Variants in SDCCAG8 observed in about 807,000 individuals in gnomAD.
SDCCAG8 encodes SHH signaling and ciliogenesis regulator SDCCAG8, also known as serologically defined colon cancer antigen 8.
SDCCAG8 carries 74 observed loss-of-function variants against 101.8 expected under a neutral mutation model. That is an observed-to-expected ratio of 0.73 (90% CI 0.60 to 0.88). SDCCAG8 has a LOEUF of 0.88. Among genes scored for constraint, SDCCAG8 ranks in the 40% least tolerant of loss-of-function variants. The probability of loss-of-function intolerance (pLI) is 0.00; values close to 1 mark genes in which losing one functional copy is unlikely to be tolerated. For missense variants in SDCCAG8, 787 were observed against 822.6 expected (o/e 0.96, Z 0.53); for synonymous variants, 281 against 292.9 (o/e 0.96, Z 0.41).
intron 12 of SDCCAG8, among the ~76,000 whole-genome samples, chr1:243,353,810 A>G (rs1264951348): frequency 1.3e-5 from 2 of 152,136 alleles, no homozygotes; most frequent in Non-Finnish European, 2.9e-5. Flanking sequence ...AAGTCATGGT[A>G]TCGTTTGGGA....
rs576464643 is a variant in SDCCAG8, at chr1:243,365,635, C to G, written c.1474-13086C>G. On this transcript the variant is annotated intron_variant, in intron 12 of 17. Coordinates refer to ENST00000366541, the MANE Select transcript of SDCCAG8 (RefSeq NM_006642.5). ...ATTTTGCCAAAAATTGCCTTTTGTT[C>G]TGGTTAAGAATAAATGGGCCAATTT... Among the ~76,000 whole-genome samples, 3 of 152,026 alleles carry G rather than the reference C, an allele frequency of 2.0e-5. No homozygotes were observed. The South Asian group carries it at 6.2e-4, about 32-fold the overall frequency.
chr1:243,402,062 T>C (rs2079433000), intron 13 of SDCCAG8, among the ~76,000 whole-genome samples: 2 of 152,116 alleles, frequency 1.3e-5, no homozygotes, highest in South Asian at 4.1e-4. Context: ...TGCTGTCCAA[T>C]AGAAATACAG....
At chr1:243,310,015 C>G (rs2072565242) in intron 8 of SDCCAG8, among the ~76,000 whole-genome samples, 1 of 152,088 alleles carries the variant, frequency 6.6e-6, no homozygotes, top group African/African-American at 2.4e-5. Context: ...AGGCGCCCAC[C>G]ACCATGCTTG....
chr1:243,430,716 G>C (rs966455168), intron 16 of SDCCAG8, among the ~76,000 whole-genome samples: 2 of 152,098 alleles, frequency 1.3e-5, no homozygotes, highest in Admixed American at 6.5e-5. Context: ...GGGATTACAG[G>C]CGTGAGCTAC....
rs192471041 is a variant in SDCCAG8 at position 243,327,899 on chromosome 1, T to A, written c.1069-2641T>A. 4.1e-3 allele frequency among the ~76,000 whole-genome samples: 622 copies of A among 152,224 alleles called. 4 individuals are homozygous for A. Among genetic ancestry groups the A allele is most frequent in the Non-Finnish European group, 6.1e-3 (416 of 68,008 alleles). On this transcript the variant is annotated intron_variant, in intron 9 of 17. Transcript: ENST00000366541. ...AGTAAAAGCTATTTTTGTTTGTTTG[T>A]TTGTTTTGTTTGTTTGTTTTTGAGA...
At chr1:243,439,349 C>T (rs1640299667) in intron 16 of SDCCAG8, among the ~76,000 whole-genome samples, 1 of 151,890 alleles carries the variant, frequency 6.6e-6, no homozygotes, top group Non-Finnish European at 1.5e-5. Context: ...TCTGGCCGGC[C>T]GCAGTGGCTC....
intron 8 of SDCCAG8, among the ~76,000 whole-genome samples, chr1:243,314,907 A>G (rs1026728508): frequency 5.3e-5 from 8 of 152,210 alleles, no homozygotes; most frequent in African/African-American, 1.9e-4. Flanking sequence ...ACAGAGTTTC[A>G]GCATGTTGGT....
chr1:243,379,479 C>T (rs1230532500), intron 13 of SDCCAG8, among the ~76,000 whole-genome samples: 4 of 152,180 alleles, frequency 2.6e-5, no homozygotes, highest in East Asian at 3.9e-4. Context: ...ATATGTAGCT[C>T]GGCCCTAAAT....
chr1:243,358,366 C>T (rs2147842494), intron 12 of SDCCAG8, among the ~76,000 whole-genome samples: 1 of 152,142 alleles, frequency 6.6e-6, no homozygotes, highest in East Asian at 1.9e-4. Flanking sequence ...AGATGCTCAA[C>T]ATCATTAGCT....
At chr1:243,261,387 A>G (rs1207025119) in intron 1 of SDCCAG8, among the ~76,000 whole-genome samples, 1 of 152,244 alleles carries the variant, frequency 6.6e-6, no homozygotes, top group Non-Finnish European at 1.5e-5. Flanking sequence ...GAGTTGAACC[A>G]GGTACACAGA....
At chr1:243,293,011 G>C in intron 5 of SDCCAG8, 80 bp from the exon 6 acceptor site, 1 of 1,512,944 alleles carries the variant, frequency 6.6e-7, no homozygotes. Context: ...TCATAGGTAA[G>C]AATAGGTATT....
intron 13 of SDCCAG8, among the ~76,000 whole-genome samples, chr1:243,385,358 C>G (rs1031725919): frequency 6.6e-6 from 1 of 152,070 alleles, no homozygotes; most frequent in African/African-American, 2.4e-5. Context: ...CTGCTGCACT[C>G]CAGCCTGGGC....
In SDCCAG8 at chr1:243,270,086, C is replaced by T. The variant is rs776422382; in HGVS notation, c.68-19C>T. 7.4e-6 allele frequency: 12 copies of T among 1,614,174 alleles called. No homozygotes were observed. The highest frequency in any genetic ancestry group is 1.1e-5 in the South Asian group (1 of 91,076). On this transcript the variant is annotated intron_variant, in intron 1 of 17. Coordinates refer to ENST00000366541, the MANE Select transcript of SDCCAG8 (RefSeq NM_006642.5). ...ACCAGACTCCATGGGTCCTAACTTT[C>T]GTCAGGTTGTTCTTGCAGAACATGC...
chr1:243,497,077 G>A (rs1041785589), intron 17 of SDCCAG8, among the ~76,000 whole-genome samples: 2 of 152,194 alleles, frequency 1.3e-5, no homozygotes, highest in African/African-American at 4.8e-5. Flanking sequence ...GCATACGCAC[G>A]CTCTACTCTC....
rs1424557514 is a variant in SDCCAG8 at position 243,447,247 on chromosome 1, TCAAAAA to T, written c.1985+20690_1985+20695del. Among the ~76,000 whole-genome samples the T allele has an allele frequency of 7.6e-3, 81 of 10,706 alleles. 1 individual carries two copies. The highest frequency in any genetic ancestry group is 0.027 in the African/African-American group (81 of 3,044). The allele number at this position is 10,706 out of a possible 152,430, so 7.0% of individuals were successfully genotyped here. A position where few individuals can be genotyped will look rare whatever the true frequency, so the allele number is the denominator to read the frequency against. On this transcript the variant is annotated intron_variant, in intron 16 of 17. Coordinates refer to ENST00000366541, the MANE Select transcript of SDCCAG8 (RefSeq NM_006642.5). ...CTGGGTGACAGAACAAGACTTCGTC[TCAAAAA>T]AAAAAAAAAAAAAAAAAAAAAAACC...
In SDCCAG8 at chr1:243,439,907, C is replaced by A. The variant is rs903685183; in HGVS notation, c.1985+13349C>A. 5.3e-5 allele frequency among the ~76,000 whole-genome samples: 8 copies of A among 152,328 alleles called. No individual in the cohort carries two copies. The South Asian group carries it at 1.2e-3, about 24-fold the overall frequency. On this transcript the variant is annotated intron_variant, in intron 16 of 17. Coordinates refer to ENST00000366541, the MANE Select transcript of SDCCAG8 (RefSeq NM_006642.5). The stretch of plus-strand genomic sequence containing the variant: ...GTGACAGTGTTTGTTACATCTAAGT[C>A]AAATTCTCTCTCTACTAGGGGCCTT...
At chr1:243,456,867 A>G (rs896811688) in intron 16 of SDCCAG8, among the ~76,000 whole-genome samples, 4 of 152,210 alleles carry the variant, frequency 2.6e-5, no homozygotes, top group East Asian at 1.9e-4. Context: ...GGTAGATGCT[A>G]TATCTTTAAT....
At chr1:243,263,333 A>G (rs1472841216) in intron 1 of SDCCAG8, among the ~76,000 whole-genome samples, 2 of 152,186 alleles carry the variant, frequency 1.3e-5, no homozygotes, top group Non-Finnish European at 2.9e-5. Context: ...CCAAAAGAGA[A>G]TTATCAGGTC....
chr1:243,344,490 A>G (rs2075583106), intron 12 of SDCCAG8, among the ~76,000 whole-genome samples, 159 bp downstream of exon 12: 1 of 152,232 alleles, frequency 6.6e-6, no homozygotes, highest in Non-Finnish European at 1.5e-5. Flanking sequence ...ATAGTTGCCT[A>G]AAATTATCAC....
Sources: allele counts gnomAD v4.1 joint callset (sites outside exome capture counted in the v4.1 genomes callset), GRCh38; gene constraint gnomAD v4.1.1; transcripts MANE v1.5; gene names NCBI Gene and HGNC (gene_info 2026-07-23, HGNC 2026-07-21).